The following CDH13 variants were observed in gnomAD, a reference collection of about 807,000 sequenced individuals.
CDH13 encodes the protein cadherin-13.
Under a neutral mutation model 63.8 loss-of-function variants are expected in CDH13, and 24 were observed. That is an observed-to-expected ratio of 0.38 (90% CI 0.27 to 0.53). The LOEUF (loss-of-function observed/expected upper bound fraction) is 0.53. Ranked by LOEUF, CDH13 falls within the 20% of genes least tolerant of loss-of-function variation. The pLI, the probability that CDH13 is intolerant of heterozygous loss-of-function variation, is 0.85. For missense variants in CDH13, 1,049 were observed against 903.1 expected (o/e 1.16, Z -2.07); for synonymous variants, 503 against 355.3 (o/e 1.42, Z -4.67).
At chr16:83,590,570 TAG>T (rs910370007) in intron 7 of CDH13, among the ~76,000 whole-genome samples, 1 of 152,090 alleles carries the variant, frequency 6.6e-6, no homozygotes, top group Non-Finnish European at 1.5e-5. Context: ...TTTGGTGTCT[TAG>T]AGAGAGTCTG....
chr16:83,258,544 T>G (rs536810216), intron 5 of CDH13, among the ~76,000 whole-genome samples: 4 of 152,312 alleles, frequency 2.6e-5, no homozygotes, highest in African/African-American at 7.2e-5. Context: ...GTACACAGTG[T>G]TCTGTCTGAT....
intron 3 of CDH13, among the ~76,000 whole-genome samples, chr16:83,124,622 C>G (rs1334634285): frequency 6.7e-6 from 1 of 149,660 alleles, no homozygotes; most frequent in African/African-American, 2.5e-5. Context: ...AGGGTTTCTT[C>G]TAGAATTTTT....
chr16:83,728,030 T>C (rs1910613952), intron 10 of CDH13, among the ~76,000 whole-genome samples: 1 of 152,198 alleles, frequency 6.6e-6, no homozygotes, highest in East Asian at 1.9e-4. Context: ...TTTTGAAAAC[T>C]GTGACTGTAC....
intron 3 of CDH13, among the ~76,000 whole-genome samples, chr16:83,119,740 A>G (rs569625276): frequency 3.3e-5 from 5 of 152,324 alleles, no homozygotes; most frequent in Non-Finnish European, 7.4e-5. Context: ...GAAGCAGGGT[A>G]TATGGATGTC....
At chr16:82,979,386 G>A (rs980848099) in intron 2 of CDH13, among the ~76,000 whole-genome samples, 1 of 152,126 alleles carries the variant, frequency 6.6e-6, no homozygotes, top group African/African-American at 2.4e-5. Context: ...ATTTGGCTGT[G>A]TCCTCATCCA....
At chr16:82,909,881 C>T (rs753125401) in intron 2 of CDH13, among the ~76,000 whole-genome samples, 1 of 152,188 alleles carries the variant, frequency 6.6e-6, no homozygotes, top group African/African-American at 2.4e-5. Context: ...TTTGCCCATA[C>T]ACATGTGGTG....
chr16:83,343,814 A>G (rs914276850), intron 5 of CDH13, among the ~76,000 whole-genome samples: 2 of 152,212 alleles, frequency 1.3e-5, no homozygotes, highest in African/African-American at 4.8e-5. Context: ...GGACTCCACC[A>G]TTTATCTTCT....
chr16:83,240,083 T>C (rs1188125926), intron 5 of CDH13, among the ~76,000 whole-genome samples: 1 of 152,140 alleles, frequency 6.6e-6, no homozygotes, highest in African/African-American at 2.4e-5. Flanking sequence ...TTGCAAATCG[T>C]AGGGCCCCAG....
chr16:83,100,213 A>G (rs1183667820), intron 3 of CDH13, among the ~76,000 whole-genome samples: 1 of 152,206 alleles, frequency 6.6e-6, no homozygotes, highest in Admixed American at 6.5e-5. Context: ...TGCCTCATGG[A>G]TCTTATGTAT....
chr16:83,146,662 C>G (rs2036763957), intron 4 of CDH13, among the ~76,000 whole-genome samples: 1 of 152,340 alleles, frequency 6.6e-6, no homozygotes, highest in Admixed American at 6.5e-5. Context: ...CTAACTGCAG[C>G]AGCAGCTGGA....
intron 5 of CDH13, among the ~76,000 whole-genome samples, chr16:83,246,768 G>T (rs780611707): frequency 6.6e-6 from 1 of 152,176 alleles, no homozygotes; most frequent in Non-Finnish European, 1.5e-5. Context: ...CTTCCTTGCT[G>T]AAACCATTGA....
intron 9 of CDH13, among the ~76,000 whole-genome samples, chr16:83,674,240 G>A (rs1914761969): frequency 2.0e-5 from 3 of 152,170 alleles, no homozygotes; most frequent in Admixed American, 6.5e-5. Context: ...TCCAGGATTG[G>A]CCAACAGTTC....
At chr16:82,900,658 T>G (rs1353557170) in intron 2 of CDH13, among the ~76,000 whole-genome samples, 2 of 152,098 alleles carry the variant, frequency 1.3e-5, no homozygotes, top group African/African-American at 2.4e-5. Context: ...GAGTAATTGA[T>G]GAACCAACGT....
At chr16:83,012,299 G>A (rs1180674842) in intron 2 of CDH13, among the ~76,000 whole-genome samples, 1 of 148,018 alleles carries the variant, frequency 6.8e-6, no homozygotes, top group East Asian at 2.0e-4. Context: ...AACAATTTGG[G>A]GGTTGTTTGG....
chr16:83,379,801 A>G (rs974773981), intron 6 of CDH13, among the ~76,000 whole-genome samples: 2 of 152,026 alleles, frequency 1.3e-5, no homozygotes, highest in African/African-American at 4.8e-5. Context: ...CTTTAAAAAT[A>G]AATATAAAAC....
intron 3 of CDH13, among the ~76,000 whole-genome samples, chr16:83,059,319 G>C (rs1462864129): frequency 1.3e-5 from 2 of 152,202 alleles, no homozygotes; most frequent in Non-Finnish European, 2.9e-5. Context: ...GGAGCAGGGA[G>C]AGCGGGTGTT....
At chr16:83,150,640 GT>G (rs373420889) in intron 4 of CDH13, among the ~76,000 whole-genome samples, 1 of 152,118 alleles carries the variant, frequency 6.6e-6, no homozygotes, top group Non-Finnish European at 1.5e-5. Flanking sequence ...CTTATAGAGC[GT>G]TTTTTATCTC....
intron 10 of CDH13, among the ~76,000 whole-genome samples, chr16:83,734,237 T>A (rs1031151651): frequency 2.6e-5 from 4 of 152,204 alleles, no homozygotes; most frequent in Non-Finnish European, 5.9e-5. Context: ...GATGTAATTG[T>A]TACCGAAGCA....
chr16:82,803,733 G>A, intron 1 of CDH13, among the ~76,000 whole-genome samples: 1 of 152,254 alleles, frequency 6.6e-6, no homozygotes, highest in South Asian at 2.1e-4. Context: ...CAGAAGGACA[G>A]AAACTGCAGG....
Sources: gnomAD v4.1 joint callset for allele counts (sites outside exome capture counted in the v4.1 genomes callset) on GRCh38, gnomAD v4.1.1 for gene constraint, MANE v1.5 for transcripts, NCBI Gene and HGNC (gene_info 2026-07-23, HGNC 2026-07-21) for gene names.